DAP: variants seen among roughly 807,000 people sequenced by gnomAD.
DAP encodes the protein death associated protein.
A neutral mutation model predicts 13.8 loss-of-function variants in DAP; 8 were observed. That is an observed-to-expected ratio of 0.58 (90% CI 0.34 to 1.05). The LOEUF (loss-of-function observed/expected upper bound fraction) is 1.05, where lower values mean the gene tolerates loss of function less well. Among genes scored for constraint, DAP ranks in the 50% least tolerant of loss-of-function variants. The pLI is 0.03. For synonymous variants in DAP, 47 were observed against 47.5 expected (o/e 0.99, Z 0.04); for missense variants, 106 against 133.2 (o/e 0.80, Z 1.01).
Position 10,680,850 on chromosome 5 carries a change from T to A in DAP, c.*206A>T. 2 of 1,536,936 alleles carry A rather than the reference T, an allele frequency of 1.3e-6. No individual in the cohort carries two copies. On this transcript the variant is annotated 3_prime_UTR_variant, in exon 4 of 4. Coordinates refer to ENST00000230895, the MANE Select transcript of DAP (RefSeq NM_004394.3). ...GGGGCACAATGATCCTCAAATGACA[T>A]CCAACCAGACTCCCCATAAACAAGG... is the stretch of plus-strand genomic sequence containing the variant.
intron 1 of DAP, among the ~76,000 whole-genome samples, chr5:10,750,578 A>AT (rs1373592422): frequency 6.6e-6 from 1 of 152,170 alleles, no homozygotes. Flanking sequence ...CCATCAATTG[A>AT]TTTTTAATCA....
chr5:10,734,038 A>G (rs1739540067), intron 2 of DAP: 1 of 152,228 alleles, frequency 6.6e-6, no homozygotes, highest in African/African-American at 2.4e-5. Flanking sequence ...AATTCAGTTC[A>G]TATGTTTATG....
At chr5:10,732,055 G>T (rs2126667531) in intron 2 of DAP, among the ~76,000 whole-genome samples, 1 of 152,310 alleles carries the variant, frequency 6.6e-6, no homozygotes, top group African/African-American at 2.4e-5. Flanking sequence ...TGTCCCTGAG[G>T]AGTTCAGCCA....
At chr5:10,685,290 C>T (rs775024896) in intron 2 of DAP, among the ~76,000 whole-genome samples, 13 of 46,330 alleles carry the variant, frequency 2.8e-4, no homozygotes, top group African/African-American at 1.1e-3. Flanking sequence ...CCTTCCTTTA[C>T]GTACATGATT....
intron 2 of DAP, among the ~76,000 whole-genome samples, chr5:10,702,454 G>A (rs1243995434): frequency 1.3e-5 from 2 of 152,062 alleles, no homozygotes; most frequent in African/African-American, 4.8e-5. Context: ...TGCTGGCCAT[G>A]GGTTGATATC....
intron 2 of DAP, among the ~76,000 whole-genome samples, chr5:10,727,820 C>T (rs908733477): frequency 2.6e-5 from 4 of 152,208 alleles, no homozygotes; most frequent in African/African-American, 9.7e-5. Flanking sequence ...TGCTCACATC[C>T]CTGATATAAA....
At chr5:10,740,618 G>GA (rs1739730753) in intron 2 of DAP, among the ~76,000 whole-genome samples, 2 of 152,038 alleles carry the variant, frequency 1.3e-5, no homozygotes, top group African/African-American at 2.4e-5. Context: ...ATGGAAGCCA[G>GA]AAAAAAATGG....
chr5:10,680,460 G>T lies in DAP; in HGVS notation c.*596C>A. On this transcript the variant is annotated 3_prime_UTR_variant, in exon 4 of 4. Transcript: ENST00000230895. ...TGGCATGTTGACTCCTGGAATTGAG[G>T]GGCTATTTCTAAGATGCATGCTTTT... The T allele has an allele frequency of 2.1e-6, 1 of 487,336 alleles. No homozygotes were observed. The highest frequency in any genetic ancestry group is 3.6e-6 in the Non-Finnish European group (1 of 275,744). The allele number at this position is 487,336 out of a possible 1,614,324, so 30.2% of individuals were successfully genotyped here. A position where few individuals can be genotyped will look rare whatever the true frequency, so the allele number is the denominator to read the frequency against.
intron 1 of DAP, among the ~76,000 whole-genome samples, chr5:10,749,220 T>C (rs1195304381): frequency 6.6e-6 from 1 of 152,258 alleles, no homozygotes; most frequent in Non-Finnish European, 1.5e-5. Context: ...AATTAGACAT[T>C]TGCGTTGTTT....
At chr5:10,749,681 T>C (rs911056007) in intron 1 of DAP, among the ~76,000 whole-genome samples, 4 of 151,458 alleles carry the variant, frequency 2.6e-5, no homozygotes, top group African/African-American at 9.7e-5. Flanking sequence ...GCTACCTGCA[T>C]GAGGAAGACT....
At chr5:10,730,688 T>G (rs1157953350) in intron 2 of DAP, among the ~76,000 whole-genome samples, 4 of 137,124 alleles carry the variant, frequency 2.9e-5, no homozygotes, top group Non-Finnish European at 4.7e-5. Flanking sequence ...GGGGGGAATC[T>G]TTCTCTATTG....
chr5:10,731,596 C>T (rs62336767), intron 2 of DAP, among the ~76,000 whole-genome samples: 6,273 of 152,272 alleles, frequency 0.041, 197 homozygotes, highest in South Asian at 0.081. Context: ...GGCTTCTGCC[C>T]GGCCACACTG....
chr5:10,727,645 G>A (rs1363679305), intron 2 of DAP, among the ~76,000 whole-genome samples: 1 of 152,200 alleles, frequency 6.6e-6, no homozygotes, highest in Non-Finnish European at 1.5e-5. Context: ...CTAGTAACAA[G>A]ATGGAAAGGG....
chr5:10,701,999 T>G (rs548561646), intron 2 of DAP, among the ~76,000 whole-genome samples: 1 of 152,246 alleles, frequency 6.6e-6, no homozygotes, highest in Non-Finnish European at 1.5e-5. Flanking sequence ...TCATGTTCTC[T>G]TTCCATCACT....
chr5:10,686,664 G>GAAGAA (rs906458158), intron 2 of DAP, among the ~76,000 whole-genome samples: 2 of 152,218 alleles, frequency 1.3e-5, no homozygotes, highest in Non-Finnish European at 2.9e-5. Context: ...GGAAGCTGCA[G>GAAGAA]AAGAAAAGAT....
intron 1 of DAP, among the ~76,000 whole-genome samples, chr5:10,751,695 G>A (rs1740051372): frequency 6.6e-6 from 1 of 152,198 alleles, no homozygotes; most frequent in Admixed American, 6.5e-5. Context: ...AGGAATTGAG[G>A]TAGGGCTCTA....
Position 10,707,373 on chromosome 5 carries a change from C to T in DAP, c.153-23802G>A, listed in dbSNP as rs527840122. On this transcript the variant is annotated intron_variant, in intron 2 of 3. Coordinates refer to ENST00000230895, the MANE Select transcript of DAP (RefSeq NM_004394.3). This position sits in a 1 kb window ranked among gnomAD's most constrained non-coding sequence, Gnocchi z 4.0. ...ATTCTGCCTTTTCTCAACAGCAGCA[C>T]AAACTTGAGTAATTTAAAGATTCAT... Among the ~76,000 whole-genome samples, 4 of 152,332 alleles carry T rather than the reference C, an allele frequency of 2.6e-5. No homozygotes were observed. The highest frequency in any genetic ancestry group is 4.1e-4 in the South Asian group (2 of 4,834).
At chr5:10,723,373 A>G (rs1297016973) in intron 2 of DAP, among the ~76,000 whole-genome samples, 1 of 152,270 alleles carries the variant, frequency 6.6e-6, no homozygotes, top group East Asian at 1.9e-4. Flanking sequence ...GGCTATTAGT[A>G]CAGCGATCAG....
At chr5:10,692,200 C>G (rs1308618077) in intron 2 of DAP, among the ~76,000 whole-genome samples, 1 of 150,848 alleles carries the variant, frequency 6.6e-6, no homozygotes, top group African/African-American at 2.5e-5. Context: ...TTACTGCTAC[C>G]CCAACATGTA....
Sources: allele counts gnomAD v4.1 joint callset (sites outside exome capture counted in the v4.1 genomes callset), GRCh38; gene constraint gnomAD v4.1.1; non-coding constraint Gnocchi (gnomAD v3.1); transcripts MANE v1.5; gene names NCBI Gene and HGNC (gene_info 2026-07-23, HGNC 2026-07-21).